GALK2: variants seen among roughly 807,000 people sequenced by gnomAD.
GALK2 encodes the protein N-acetylgalactosamine kinase.
In GALK2, 36 loss-of-function variants were observed where a neutral mutation model predicts 52.4. The observed-to-expected ratio is 0.69, with a 90% CI of 0.53 to 0.91. GALK2 has a LOEUF of 0.91. GALK2 is among the 40% of genes least tolerant of loss of function. The pLI is 0.00. For missense variants in GALK2, 579 were observed against 559.1 expected (o/e 1.04, Z -0.36); for synonymous variants, 176 against 199.1 (o/e 0.88, Z 0.98).
Position 49,292,371 on chromosome 15 carries a change from G to A in GALK2, c.801G>A (p.Arg267=). 2 of 1,614,128 alleles carry A rather than the reference G, an allele frequency of 1.2e-6. No homozygotes were observed. The highest frequency in any genetic ancestry group is 1.7e-6 in the Non-Finnish European group (2 of 1,179,976). ...GCTTGCAATGGGACAAAGTACTGAG[G>A]CTGGAGGAGGTGCAGGCTAAACTAG... The part of the protein sequence containing the change: ...YKSLQWDKVL[R]LEEVQAKLGI... The change falls in exon 8 of 10, where the codon AGG becomes AGA. Residue 267 remains arginine (R), a synonymous_variant. Coordinates refer to ENST00000560031, the MANE Select transcript of GALK2 (RefSeq NM_002044.4).
At chr15:49,180,917 T>C (rs2085908117) in intron 1 of GALK2, among the ~76,000 whole-genome samples, 1 of 152,154 alleles carries the variant, frequency 6.6e-6, no homozygotes, top group Non-Finnish European at 1.5e-5. Context: ...CTAAATGATG[T>C]TTCTCTGTGC....
intron 1 of GALK2, among the ~76,000 whole-genome samples, chr15:49,190,334 A>G (rs1233662267): frequency 1.3e-5 from 2 of 152,214 alleles, no homozygotes. Flanking sequence ...GTGGAATGCA[A>G]CTGATTGCCC....
chr15:49,355,758 C>T (rs1446951057), intron 3 of GALK2, among the ~76,000 whole-genome samples: 4 of 151,376 alleles, frequency 2.6e-5, no homozygotes, highest in Admixed American at 6.6e-5. Context: ...AGATACTCCT[C>T]GAGAAGAGCA....
chr15:49,291,903 A>G (rs1218712138), intron 7 of GALK2, among the ~76,000 whole-genome samples: 1 of 152,236 alleles, frequency 6.6e-6, no homozygotes, highest in African/African-American at 2.4e-5. Context: ...TTGGATGTAC[A>G]GTATCCTCTC....
intron 3 of GALK2, among the ~76,000 whole-genome samples, chr15:49,357,549 A>C (rs895140731): frequency 1.3e-5 from 2 of 151,976 alleles, no homozygotes; most frequent in Non-Finnish European, 2.9e-5. Context: ...AAGAAGTTGA[A>C]TCTCTGAACA....
chr15:49,228,936 C>T (rs1186234450), intron 3 of GALK2, among the ~76,000 whole-genome samples: 1 of 151,678 alleles, frequency 6.6e-6, no homozygotes. Flanking sequence ...CTCAAGTGAT[C>T]TGCCTGCTTC....
intron 9 of GALK2, among the ~76,000 whole-genome samples, chr15:49,325,501 G>A (rs1253273631): frequency 1.3e-5 from 2 of 152,126 alleles, no homozygotes; most frequent in South Asian, 4.1e-4. Context: ...AGGGTATATC[G>A]GTCTCCTAAC....
chr15:49,188,531 A>C (rs566878976), intron 1 of GALK2, among the ~76,000 whole-genome samples: 1 of 152,372 alleles, frequency 6.6e-6, no homozygotes, highest in East Asian at 1.9e-4. Context: ...CAATGATTCA[A>C]GACTATCTTT....
At chr15:49,266,761 T>C (rs938085101) in intron 5 of GALK2, among the ~76,000 whole-genome samples, 2 of 152,094 alleles carry the variant, frequency 1.3e-5, no homozygotes, top group Admixed American at 6.5e-5. Flanking sequence ...GATGGGAGAT[T>C]GGGTGTGTGT....
chr15:49,185,386 G>A (rs557416036), intron 1 of GALK2, among the ~76,000 whole-genome samples: 1 of 152,254 alleles, frequency 6.6e-6, no homozygotes, highest in Non-Finnish European at 1.5e-5. Context: ...CCATTGATAG[G>A]CACCTGGGTT....
intron 5 of GALK2, among the ~76,000 whole-genome samples, chr15:49,267,726 A>G (rs990800837): frequency 2.0e-5 from 3 of 152,026 alleles, no homozygotes; most frequent in Non-Finnish European, 2.9e-5. Context: ...TTTGATAGTT[A>G]TTGGCATATT....
intron 3 of GALK2, among the ~76,000 whole-genome samples, chr15:49,224,620 G>T (rs1284095546): frequency 6.6e-6 from 1 of 152,126 alleles, no homozygotes; most frequent in Non-Finnish European, 1.5e-5. Context: ...TGACTTTGTG[G>T]AAGATCAGAT....
At chr15:49,180,745 G>A (rs766519581) in intron 1 of GALK2, among the ~76,000 whole-genome samples, 3 of 151,980 alleles carry the variant, frequency 2.0e-5, no homozygotes, top group Admixed American at 6.6e-5. Context: ...GTATGCTTGG[G>A]CCTTTTCATG....
Position 49,328,394 on chromosome 15 carries a change from T to G in GALK2, c.*235T>G. Reference sequence around the variant, plus strand: ...GCCAAGATCATGCTTGGACAGATCTTTTAAGAATAACTTACTGAGATTTAT... The same window carrying G: ...GCCAAGATCATGCTTGGACAGATCTGTTAAGAATAACTTACTGAGATTTAT... On this transcript the variant is annotated 3_prime_UTR_variant, in exon 10 of 10. Transcript: ENST00000560031. The G allele has an allele frequency of 7.0e-7, 1 of 1,429,904 alleles. No individual in the cohort carries two copies. Among genetic ancestry groups the G allele is most frequent in the South Asian group, 1.6e-5 (1 of 62,894 alleles). 88.6% of individuals were successfully genotyped at this position (1,429,904 alleles called of 1,614,324 possible).
At chr15:49,366,438 T>C in intron 3 of GALK2, 2 of 914,062 alleles carry the variant, frequency 2.2e-6, no homozygotes, top group South Asian at 2.6e-5. Flanking sequence ...TTGTTCTTTA[T>C]GTCAACAGGA....
At chr15:49,260,546 G>A in intron 5 of GALK2, among the ~76,000 whole-genome samples, 1 of 146,554 alleles carries the variant, frequency 6.8e-6, no homozygotes, top group South Asian at 2.3e-4. Flanking sequence ...AGTTTCTTTT[G>A]CTGTGCAGAA....
chr15:49,361,751 G>A (rs1284937240), intron 3 of GALK2, among the ~76,000 whole-genome samples: 1 of 151,988 alleles, frequency 6.6e-6, no homozygotes, highest in Non-Finnish European at 1.5e-5. Flanking sequence ...TATTCCTTTG[G>A]GTATATACTC....
Position 49,366,528 on chromosome 15 carries a change from G to A in GALK2, c.427-963G>A, listed in dbSNP as rs1236123791. On this transcript the variant is annotated intron_variant, in intron 3 of 3. Coordinates refer to the GALK2 transcript ENST00000558399. Reference sequence around the variant, plus strand: ...GAAGTTGCATTTTCTAGGGTACTTGGAAGAGCTGACCAATGGGGGTTATAA... The same window carrying A: ...GAAGTTGCATTTTCTAGGGTACTTGAAAGAGCTGACCAATGGGGGTTATAA... 4 of 1,506,502 alleles carry A rather than the reference G, an allele frequency of 2.7e-6. No homozygotes were observed. In the East Asian group the frequency reaches 9.0e-5, roughly 34 times the overall value. 93.3% of individuals were successfully genotyped at this position (1,506,502 alleles called of 1,614,324 possible). A position where few individuals can be genotyped will look rare whatever the true frequency, so the allele number is the denominator to read the frequency against.
At chr15:49,209,685 C>T (rs1324722933) in intron 2 of GALK2, among the ~76,000 whole-genome samples, 2 of 151,924 alleles carry the variant, frequency 1.3e-5, no homozygotes, top group Non-Finnish European at 2.9e-5. Context: ...AGGATTAATC[C>T]CACTTGATCA....
Sources: allele counts gnomAD v4.1 joint callset (sites outside exome capture counted in the v4.1 genomes callset), GRCh38; gene constraint gnomAD v4.1.1; transcripts MANE v1.5; gene names NCBI Gene and HGNC (gene_info 2026-07-23, HGNC 2026-07-21).